TNFRSF1B: variants seen among roughly 807,000 people sequenced by gnomAD.
TNFRSF1B encodes TNF receptor superfamily member 1B, also known as tumor necrosis factor receptor superfamily member 1B.
In TNFRSF1B, 19 loss-of-function variants were observed where a neutral mutation model predicts 44.6. The ratio of observed to expected loss-of-function variants is 0.43; its 90% CI spans 0.30 to 0.62. The LOEUF is 0.62. Ranked by LOEUF, TNFRSF1B falls within the 20% of genes least tolerant of loss-of-function variation. The pLI, the probability that TNFRSF1B is intolerant of heterozygous loss-of-function variation, is 0.16. For synonymous variants in TNFRSF1B, 252 were observed against 261.1 expected (o/e 0.97, Z 0.34); for missense variants, 541 against 619.9 (o/e 0.87, Z 1.35).
intron 9 of TNFRSF1B, among the ~76,000 whole-genome samples, chr1:12,202,383 C>T (rs1010851047): frequency 5.9e-5 from 9 of 152,244 alleles, no homozygotes; most frequent in Admixed American, 2.6e-4. Flanking sequence ...TGTGGGACAA[C>T]CCCAGCTTGT....
At position 12,189,024 on chromosome 1, in the gene TNFRSF1B, C is replaced by T. The variant is rs542098205; in HGVS notation, c.178+129C>T. 57 of 718,454 alleles carry T rather than the reference C, an allele frequency of 7.9e-5. No individual in the cohort carries two copies. In the South Asian group the frequency reaches 1.0e-3, roughly 13 times the overall value. The allele number at this position is 718,454 out of a possible 1,614,324, so 44.5% of individuals were successfully genotyped here. On this transcript the variant is annotated intron_variant, in intron 2 of 9. Transcript: ENST00000376259. ...AGTTCTATGCACTGGCCCATGCTCC[C>T]TGCTGCTTCTGGGCCTGTGAACATG...
chr1:12,167,207 C>A, intron 1 of TNFRSF1B, 38 bp downstream of exon 1: 1 of 1,234,550 alleles, frequency 8.1e-7, no homozygotes, highest in Non-Finnish European at 1.0e-6. Flanking sequence ...ACAGCCGCCC[C>A]GCATGTCCAC....
intron 7 of TNFRSF1B, 113 bp from the exon 8 acceptor site, chr1:12,194,471 C>A: frequency 9.0e-7 from 1 of 1,106,030 alleles, no homozygotes; most frequent in East Asian, 2.4e-5. Flanking sequence ...GCGATTGGTC[C>A]CCACAGGGCT....
At position 12,167,081 on chromosome 1, in the gene TNFRSF1B, CG is replaced by C; in HGVS notation, c.-10del. 7.6e-7 allele frequency: 1 copy of C among 1,318,068 alleles called. No homozygotes were observed. Among genetic ancestry groups the C allele is most frequent in the Non-Finnish European group, 9.7e-7 (1 of 1,032,344 alleles). 81.6% of individuals were successfully genotyped at this position (1,318,068 alleles called of 1,614,324 possible). The stretch of plus-strand genomic sequence containing the variant: ...GCGAGGGCAGGGGGCAACCGGACCC[CG>C]CCCGCACCCATGGCGCCCGTCGCCG... On this transcript the variant is annotated 5_prime_UTR_variant, in exon 1 of 10. Coordinates refer to ENST00000376259, the MANE Select transcript of TNFRSF1B (RefSeq NM_001066.3).
At position 12,202,073 on chromosome 1, in the gene TNFRSF1B, G is replaced by A. The variant is rs1639405157; in HGVS notation, c.1007G>A (p.Ser336Asn). The part of the protein sequence containing the change: ...SSSSSLESSA[S>N]ALDRRAPTRN... ...AGCAGCTCCCTGGAGAGCTCGGCCAGTGCGTTGGACAGAAGGGCGCCCACT... is the reference window on the plus strand; with the variant it reads ...AGCAGCTCCCTGGAGAGCTCGGCCAATGCGTTGGACAGAAGGGCGCCCACT... Residue 336 changes from serine to asparagine, a missense_variant, in exon 9 of 10, where the codon AGT becomes AAT. Ser to Asn is a conservative substitution (Grantham distance 46). Coordinates refer to ENST00000376259, the MANE Select transcript of TNFRSF1B (RefSeq NM_001066.3). 3 of 1,598,144 alleles carry A rather than the reference G, an allele frequency of 1.9e-6. No homozygotes were observed. Among genetic ancestry groups the A allele is most frequent in the Non-Finnish European group, 2.6e-6 (3 of 1,173,266 alleles).
chr1:12,185,234 G>T (rs959150465), intron 1 of TNFRSF1B, among the ~76,000 whole-genome samples: 4 of 152,206 alleles, frequency 2.6e-5, no homozygotes, highest in African/African-American at 9.6e-5. Flanking sequence ...AGGTCACCTT[G>T]CTCAATCCAG....
chr1:12,174,166 C>CTTCTTCTTCTT (rs1557623710), intron 1 of TNFRSF1B, among the ~76,000 whole-genome samples: 64 of 55,836 alleles, frequency 1.1e-3, no homozygotes, highest in East Asian at 3.2e-3. Flanking sequence ...TTCTTCTTCT[C>CTTCTTCTTCTT]CTTCTCCTTC....
chr1:12,190,787 G>A (rs1639098923), intron 2 of TNFRSF1B, among the ~76,000 whole-genome samples, 170 bp from the exon 3 acceptor site: 1 of 151,902 alleles, frequency 6.6e-6, no homozygotes, highest in African/African-American at 2.4e-5. Flanking sequence ...CAGAAATGAC[G>A]TGATAGCTGG....
chr1:12,188,733 C>A, intron 1 of TNFRSF1B, 63 bp from the exon 2 acceptor site: 2 of 1,469,190 alleles, frequency 1.4e-6, no homozygotes, highest in Non-Finnish European at 1.9e-6. Flanking sequence ...GGGACCTGGG[C>A]ATCAGGCATG....
rs1313215009 is a variant in TNFRSF1B, at chr1:12,180,851, T to C, written c.79-7945T>C. The stretch of plus-strand genomic sequence containing the variant: ...CAGCCGCATCGTCCTCTGGCTGGGC[T>C]GCTCACAGACCCCGGCCCCTGGGTT... On this transcript the variant is annotated intron_variant, in intron 1 of 9. Transcript: ENST00000376259. The surrounding 1 kb of genome is among the most constrained non-coding windows in gnomAD (Gnocchi z 4.3). Among the ~76,000 whole-genome samples the C allele has an allele frequency of 6.6e-6, 1 of 152,194 alleles. No individual in the cohort carries two copies. The highest frequency in any genetic ancestry group is 6.5e-5 in the Admixed American group (1 of 15,284).
intron 5 of TNFRSF1B, 81 bp from the exon 6 acceptor site, chr1:12,192,781 CT>C (rs1408800173): frequency 9.7e-6 from 12 of 1,243,274 alleles, no homozygotes; most frequent in Non-Finnish European, 1.4e-5. Flanking sequence ...CCTATCCTGC[CT>C]GCTGGGGCCC....
intron 8 of TNFRSF1B, among the ~76,000 whole-genome samples, chr1:12,196,986 C>T (rs1045650767): frequency 6.1e-5 from 9 of 147,876 alleles, no homozygotes; most frequent in Admixed American, 1.4e-4. Context: ...ACAGCTATGT[C>T]GCCCAGGCTG....
intron 8 of TNFRSF1B, among the ~76,000 whole-genome samples, chr1:12,200,324 G>A (rs182618632): frequency 1.3e-5 from 2 of 152,082 alleles, no homozygotes; most frequent in African/African-American, 2.4e-5. Context: ...GCCTGTGGGC[G>A]GACTCTGGAA....
At position 12,207,107 on chromosome 1, in the gene TNFRSF1B, C is replaced by A; in HGVS notation, c.*87C>A. On this transcript the variant is annotated 3_prime_UTR_variant, in exon 10 of 10. Transcript: ENST00000376259. ...GAAGGGGCCCTGGTCCTTCCAGGCC[C>A]CCACCACTAGGACTCTGAGGCTCTT... 1 of 1,408,600 alleles carries A rather than the reference C, an allele frequency of 7.1e-7. No homozygotes were observed. The highest frequency in any genetic ancestry group is 9.5e-7 in the Non-Finnish European group (1 of 1,056,112). 87.3% of individuals were successfully genotyped at this position (1,408,600 alleles called of 1,614,324 possible). A position where few individuals can be genotyped will look rare whatever the true frequency, so the allele number is the denominator to read the frequency against.
chr1:12,201,079 C>G (rs974366719), intron 8 of TNFRSF1B, among the ~76,000 whole-genome samples: 4 of 151,876 alleles, frequency 2.6e-5, no homozygotes, highest in Admixed American at 2.0e-4. Flanking sequence ...ATAGCACAAC[C>G]CTGTCTCTAC....
intron 1 of TNFRSF1B, among the ~76,000 whole-genome samples, chr1:12,174,163 T>TCTTCTCCTTCTC (rs1638591926): frequency 1.6e-5 from 1 of 62,686 alleles, no homozygotes; most frequent in African/African-American, 6.4e-5. Context: ...TTCTTCTTCT[T>TCTTCTCCTTCTC]CTCCTTCTCC....
rs762556081 is a variant in TNFRSF1B, at chr1:12,186,373, G to T, written c.79-2423G>T. On this transcript the variant is annotated intron_variant, in intron 1 of 9. Coordinates refer to ENST00000376259, the MANE Select transcript of TNFRSF1B (RefSeq NM_001066.3). This position sits in a 1 kb window ranked among gnomAD's most constrained non-coding sequence, Gnocchi z 4.8. ...CTGAACCCACCTGCTACGTTGGCTG[G>T]TGGAAATTTGGCCAGGTCTGCACTG... is the stretch of plus-strand genomic sequence containing the variant. 6.6e-6 allele frequency among the ~76,000 whole-genome samples: 1 copy of T among 152,244 alleles called. No individual in the cohort carries two copies. Among genetic ancestry groups the T allele is most frequent in the Non-Finnish European group, 1.5e-5 (1 of 68,040 alleles).
rs1639004411 is a variant in TNFRSF1B at position 12,187,151 on chromosome 1, CCT to C, written c.79-1642_79-1641del. On this transcript the variant is annotated intron_variant, in intron 1 of 9. Transcript: ENST00000376259. The surrounding 1 kb of genome is among the most constrained non-coding windows in gnomAD (Gnocchi z 5.5). The stretch of plus-strand genomic sequence containing the variant: ...GTGCCTTTGCTTTTCTCTTTTCTCC[CCT>C]CTTTTTTTTTTTTTTTCGAGATGGA... Among the ~76,000 whole-genome samples the C allele has an allele frequency of 6.6e-6, 1 of 151,508 alleles. No homozygotes were observed. The highest frequency in any genetic ancestry group is 1.5e-5 in the Non-Finnish European group (1 of 67,834).
At position 12,169,827 on chromosome 1, in the gene TNFRSF1B, G is replaced by C. The variant is rs1433745950; in HGVS notation, c.78+2658G>C. 6.6e-6 allele frequency among the ~76,000 whole-genome samples: 1 copy of C among 152,254 alleles called. No homozygotes were observed. The highest frequency in any genetic ancestry group is 1.5e-5 in the Non-Finnish European group (1 of 68,042). On this transcript the variant is annotated intron_variant, in intron 1 of 9. Coordinates refer to ENST00000376259, the MANE Select transcript of TNFRSF1B (RefSeq NM_001066.3). The surrounding 1 kb of genome is among the most constrained non-coding windows in gnomAD (Gnocchi z 4.5). ...GATGGGGATGAGCAGGGTCTGGGCT[G>C]TCTGGGGAGGAGGATGAGGGGTCTC...
Sources: allele counts gnomAD v4.1 joint callset (sites outside exome capture counted in the v4.1 genomes callset), GRCh38; gene constraint gnomAD v4.1.1; non-coding constraint Gnocchi (gnomAD v3.1); transcripts MANE v1.5; gene names NCBI Gene and HGNC (gene_info 2026-07-23, HGNC 2026-07-21).